MYLK3: variants seen among roughly 807,000 people sequenced by gnomAD.
MYLK3 encodes the protein MLC kinase.
MYLK3 carries 55 observed loss-of-function variants against 76.3 expected under a neutral mutation model. The observed-to-expected ratio is 0.72, with a 90% confidence interval of 0.58 to 0.90. The LOEUF (loss-of-function observed/expected upper bound fraction) is 0.90. Among genes scored for constraint, MYLK3 ranks in the 40% least tolerant of loss-of-function variants. MYLK3 has a pLI of 0.00. For missense variants in MYLK3, 973 were observed against 1,053.6 expected (o/e 0.92, Z 1.06); for synonymous variants, 416 against 425.4 (o/e 0.98, Z 0.27).
chr16:46,742,478 ACACACACACACACAG>A, intron 1 of MYLK3, among the ~76,000 whole-genome samples: 1 of 151,696 alleles, frequency 6.6e-6, no homozygotes, highest in African/African-American at 2.4e-5. Context: ...ACACACACAC[ACACACACACACACAG>A]AAAAAAACCT....
chr16:46,734,849 G>A (rs1233848622), intron 3 of MYLK3, among the ~76,000 whole-genome samples: 1 of 151,996 alleles, frequency 6.6e-6, no homozygotes, highest in African/African-American at 2.4e-5. Context: ...ACTTTTAAAA[G>A]GTTAAGATGG....
At chr16:46,708,440 T>C (rs1966649460) in intron 12 of MYLK3, among the ~76,000 whole-genome samples, 1 of 152,108 alleles carries the variant, frequency 6.6e-6, no homozygotes, top group Non-Finnish European at 1.5e-5. Flanking sequence ...CATATTCTGT[T>C]AGAGAAAATG....
chr16:46,738,262 G>A, intron 2 of MYLK3, 119 bp from the exon 3 acceptor site: 4 of 901,936 alleles, frequency 4.4e-6, no homozygotes, highest in South Asian at 4.1e-5. Flanking sequence ...CCAAAGACTG[G>A]AAGCAACCCA....
intron 6 of MYLK3, 62 bp from the exon 7 acceptor site, chr16:46,729,195 G>A: frequency 4.0e-6 from 5 of 1,246,196 alleles, no homozygotes; most frequent in Non-Finnish European, 4.7e-6. Context: ...GGAGCCAGCT[G>A]ACCTCCCAAG....
chr16:46,709,804 A>G, intron 11 of MYLK3, 133 bp from the exon 12 acceptor site: 2 of 1,047,680 alleles, frequency 1.9e-6, no homozygotes, highest in Non-Finnish European at 2.7e-6. Flanking sequence ...CCATGTACCA[A>G]AAAGGGAACT....
chr16:46,747,223 G>A (rs971816662), intron 1 of MYLK3, among the ~76,000 whole-genome samples: 2 of 152,150 alleles, frequency 1.3e-5, no homozygotes, highest in Non-Finnish European at 2.9e-5. Context: ...TGTCCCCCTG[G>A]GTCACTGTCA....
At chr16:46,762,058 A>T (rs1324038156) in intron 1 of MYLK3, among the ~76,000 whole-genome samples, 1 of 152,206 alleles carries the variant, frequency 6.6e-6, no homozygotes, top group African/African-American at 2.4e-5. Context: ...ATCTCAAGGA[A>T]CGAGTCTTTG....
At position 46,732,535 on chromosome 16, in the gene MYLK3, C is replaced by G. The variant is rs760783642; in HGVS notation, c.1135G>C (p.Gly379Arg). Residue 379 changes from glycine (G) to arginine (R), a missense_variant, in exon 4 of 13, where the codon GGG (glycine) becomes CGG (arginine). Transcript: ENST00000394809. Reference sequence around the variant, plus strand: ...GTCCCAGGGGCTTGGAGGCAGCGCCCGGTCCCAGGTGGGCCCTGCTTGCCT... The same window carrying G: ...GTCCCAGGGGCTTGGAGGCAGCGCCGGGTCCCAGGTGGGCCCTGCTTGCCT... ...QPGKQGPPGT[G>R]RCLQAPGTEP... is the part of the protein sequence containing the mutation. The G allele has an allele frequency of 6.2e-7, 1 of 1,602,842 alleles. No homozygotes were observed. Among genetic ancestry groups the G allele is most frequent in the Non-Finnish European group, 8.5e-7 (1 of 1,179,706 alleles).
intron 9 of MYLK3, among the ~76,000 whole-genome samples, chr16:46,718,331 T>C (rs1475578471): frequency 6.6e-6 from 1 of 152,104 alleles, no homozygotes; most frequent in Non-Finnish European, 1.5e-5. Context: ...TTGAATGTGA[T>C]TTTTTTTCTG....
chr16:46,754,901 C>CTT (rs35429909), intron 1 of MYLK3, among the ~76,000 whole-genome samples: 2 of 144,086 alleles, frequency 1.4e-5, no homozygotes, highest in South Asian at 2.2e-4. Context: ...ACAATTCGTG[C>CTT]TTTTTTTTTT....
chr16:46,745,818 G>A (rs1967011929), intron 1 of MYLK3, among the ~76,000 whole-genome samples: 1 of 152,072 alleles, frequency 6.6e-6, no homozygotes, highest in Admixed American at 6.6e-5. Flanking sequence ...AAAGGGTGCT[G>A]TGGATACCAA....
At chr16:46,711,288 G>A (rs1022207155) in intron 10 of MYLK3, among the ~76,000 whole-genome samples, 1 of 152,086 alleles carries the variant, frequency 6.6e-6, no homozygotes, top group Admixed American at 6.5e-5. Context: ...CCAGCCTGGC[G>A]CAGCTCCCAT....
At chr16:46,755,167 G>C (rs1325305442) in intron 1 of MYLK3, among the ~76,000 whole-genome samples, 5 of 151,952 alleles carry the variant, frequency 3.3e-5, no homozygotes, top group African/African-American at 1.2e-4. Flanking sequence ...CCAAAGTGCT[G>C]GGATTATAGG....
chr16:46,748,345 G>A, upstream of MYLK3: 1 of 1,341,416 alleles, frequency 7.5e-7, no homozygotes, highest in Non-Finnish European at 9.8e-7. The surrounding 1 kb of genome is among the most constrained non-coding windows in gnomAD (Gnocchi z 4.3). Flanking sequence ...TGGGCTGTGT[G>A]AGGAGCGCAG....
At chr16:46,727,106 C>T (rs1192682675) in intron 8 of MYLK3, 130 bp downstream of exon 8, 4 of 1,091,932 alleles carry the variant, frequency 3.7e-6, no homozygotes, top group African/African-American at 3.1e-5. Context: ...TCCCAGACTC[C>T]AGAACTACAA....
chr16:46,757,946 G>C (rs768537639), intron 1 of MYLK3, among the ~76,000 whole-genome samples: 1 of 152,174 alleles, frequency 6.6e-6, no homozygotes, highest in South Asian at 2.1e-4. Flanking sequence ...AGGAGAGGCC[G>C]GGTCTGCAGC....
chr16:46,727,006 T>C (rs1966844085), intron 8 of MYLK3: 1 of 402,492 alleles, frequency 2.5e-6, no homozygotes, highest in Admixed American at 4.1e-5. Context: ...GAAAAGCTCA[T>C]TGTTTCACTT....
At chr16:46,711,128 A>C in intron 10 of MYLK3, 1 of 271,750 alleles carries the variant, frequency 3.7e-6, no homozygotes, top group East Asian at 9.3e-5. Context: ...TAGAAATAGA[A>C]ATAGCCTTCC....
At chr16:46,733,730 C>A (rs1332009251) in intron 3 of MYLK3, among the ~76,000 whole-genome samples, 1 of 152,128 alleles carries the variant, frequency 6.6e-6, no homozygotes, top group Non-Finnish European at 1.5e-5. Context: ...GGGCCACAAT[C>A]CCACAGCACG....
Sources: gnomAD v4.1 joint callset for allele counts (sites outside exome capture counted in the v4.1 genomes callset) on GRCh38, gnomAD v4.1.1 for gene constraint, Gnocchi (gnomAD v3.1) non-coding constraint, MANE v1.5 for transcripts, NCBI Gene and HGNC (gene_info 2026-07-23, HGNC 2026-07-21) for gene names.